Variants in CEP350 observed in about 807,000 individuals in gnomAD.
The protein encoded by CEP350 is centrosome-associated protein 350.
In CEP350, 126 loss-of-function variants were observed where a neutral mutation model predicts 331.8. The ratio of observed to expected loss-of-function variants is 0.38; its 90% CI spans 0.33 to 0.44. The LOEUF is 0.44. Among genes scored for constraint, CEP350 ranks in the 20% least tolerant of loss-of-function variants. The pLI is 1.00. For missense variants in CEP350, 3,406 were observed against 3,634.6 expected (o/e 0.94, Z 1.62); for synonymous variants, 1,200 against 1,259.5 (o/e 0.95, Z 1.00).
At chr1:180,007,160 T>C (rs1314400805) in intron 8 of CEP350, among the ~76,000 whole-genome samples, 1 of 152,206 alleles carries the variant, frequency 6.6e-6, no homozygotes, top group Non-Finnish European at 1.5e-5. Flanking sequence ...GTATTTCTGG[T>C]TCTAGATTCT....
At chr1:180,043,965 T>C in intron 20 of CEP350, 86 bp from the exon 21 acceptor site, 1 of 1,133,624 alleles carries the variant, frequency 8.8e-7, no homozygotes, top group South Asian at 1.9e-5. Flanking sequence ...TTCAAGATTT[T>C]ATCTCATATT....
chr1:180,042,436 A>T (rs1433779161), intron 19 of CEP350, among the ~76,000 whole-genome samples: 2 of 152,242 alleles, frequency 1.3e-5, no homozygotes, highest in African/African-American at 4.8e-5. Flanking sequence ...TTTTAAACCA[A>T]AAGTTAGTAC....
intron 22 of CEP350, among the ~76,000 whole-genome samples, chr1:180,049,703 C>A (rs560834173): frequency 6.6e-6 from 1 of 152,164 alleles, no homozygotes; most frequent in South Asian, 2.1e-4. Flanking sequence ...ACCACAACAC[C>A]TGGCTAATTT....
intron 4 of CEP350, among the ~76,000 whole-genome samples, chr1:179,991,514 T>C (rs1653063711): frequency 6.6e-6 from 1 of 151,612 alleles, no homozygotes; most frequent in Non-Finnish European, 1.5e-5. Flanking sequence ...GGTCTCAAAC[T>C]CCTGACCTCG....
rs61826328 is a variant in CEP350, at chr1:179,987,237, C to T, written c.74-3C>T. ...ATAAAGTAAATATCATTTTTTTTCC[C>T]AGCAGATATAACCACATCGTGGGAT... On this transcript the variant is annotated splice_polypyrimidine_tract_variant and splice_region_variant and intron_variant, in intron 2 of 37. Transcript: ENST00000367607. 1 of 1,507,298 alleles carries T rather than the reference C, an allele frequency of 6.6e-7. No individual in the cohort carries two copies. Among genetic ancestry groups the T allele is most frequent in the African/African-American group, 1.4e-5 (1 of 72,346 alleles). 93.4% of individuals were successfully genotyped at this position (1,507,298 alleles called of 1,614,324 possible). A position where few individuals can be genotyped will look rare whatever the true frequency, so the allele number is the denominator to read the frequency against.
intron 3 of CEP350, among the ~76,000 whole-genome samples, chr1:179,989,347 G>T: frequency 6.6e-6 from 1 of 151,862 alleles, no homozygotes. Flanking sequence ...GCTGGGCATG[G>T]TGGTGTACAT....
chr1:179,961,387 G>A (rs1650603237), intron 1 of CEP350, among the ~76,000 whole-genome samples: 1 of 152,134 alleles, frequency 6.6e-6, no homozygotes, highest in Non-Finnish European at 1.5e-5. Flanking sequence ...GGTGTAGGTT[G>A]CAGTGAGCCG....
At chr1:180,077,052 TA>T (rs1659264878) in intron 28 of CEP350, among the ~76,000 whole-genome samples, 1 of 152,034 alleles carries the variant, frequency 6.6e-6, no homozygotes, top group African/African-American at 2.4e-5. Flanking sequence ...GAAAAAGAAT[TA>T]AAAGCTATAA....
intron 1 of CEP350, among the ~76,000 whole-genome samples, chr1:179,971,161 T>A (rs887724808): frequency 1.3e-5 from 2 of 152,002 alleles, no homozygotes; most frequent in African/African-American, 4.8e-5. Flanking sequence ...CCCAAGTAGC[T>A]GGGACTACAG....
At chr1:179,983,625 A>C (rs1652443025) in intron 1 of CEP350, among the ~76,000 whole-genome samples, 1 of 152,228 alleles carries the variant, frequency 6.6e-6, no homozygotes. Context: ...AACTTCCTTA[A>C]AAATTAACCA....
At chr1:179,992,284 T>C in intron 5 of CEP350, 63 bp downstream of exon 5, 1 of 1,333,398 alleles carries the variant, frequency 7.5e-7, no homozygotes, top group Non-Finnish European at 9.7e-7. Flanking sequence ...ACAGTAAGAG[T>C]ATACGTTGTT....
intron 1 of CEP350, among the ~76,000 whole-genome samples, chr1:179,955,907 C>T (rs1454111609): frequency 1.3e-5 from 2 of 151,990 alleles, no homozygotes; most frequent in Non-Finnish European, 2.9e-5. Context: ...GATGGTGATC[C>T]TTGTTTTGAA....
chr1:180,043,279 T>C (rs1212154447), intron 20 of CEP350, 87 bp downstream of exon 20: 2 of 1,417,278 alleles, frequency 1.4e-6, no homozygotes, highest in African/African-American at 2.9e-5. Context: ...TATTTGTTGT[T>C]ATAGGCATTA....
At chr1:180,005,881 T>C (rs187607709) in intron 7 of CEP350, among the ~76,000 whole-genome samples, 134 of 152,330 alleles carry the variant, frequency 8.8e-4, no homozygotes, top group Admixed American at 4.2e-3. Context: ...CTACACATAT[T>C]TTAAAGTACA....
rs556448480 is a variant in CEP350 at position 180,099,194 on chromosome 1, AT to A, written c.9189+213del. 6.6e-4 allele frequency among the ~76,000 whole-genome samples: 100 copies of A among 152,308 alleles called. 1 individual carries two copies. The highest frequency in any genetic ancestry group is 2.4e-3 in the African/African-American group (99 of 41,554). On this transcript the variant is annotated intron_variant, in intron 37 of 37. Transcript: ENST00000367607. The stretch of plus-strand genomic sequence containing the variant: ...ATGAACATTTAACTTGATCAATAGT[AT>A]TTTATGTAGAACTTGAGAAATTTAC...
rs753375021 is a variant in CEP350, at chr1:180,053,176, A to T, written c.4989+10A>T. Reference sequence around the variant, plus strand: ...ACTGTCTACTGCCAAGGTGTGTTTCACTTTATCTGTGGAGGTAAATGGTTG... The same window carrying T: ...ACTGTCTACTGCCAAGGTGTGTTTCTCTTTATCTGTGGAGGTAAATGGTTG... On this transcript the variant is annotated intron_variant, in intron 23 of 37. Coordinates refer to ENST00000367607, the MANE Select transcript of CEP350 (RefSeq NM_014810.5). 2 of 1,506,560 alleles carry T rather than the reference A, an allele frequency of 1.3e-6. No homozygotes were observed. Among genetic ancestry groups the T allele is most frequent in the Non-Finnish European group, 1.8e-6 (2 of 1,119,222 alleles). The allele number at this position is 1,506,560 out of a possible 1,614,324, so 93.3% of individuals were successfully genotyped here.
rs1650069025 is a variant in CEP350, at chr1:179,955,150, C to G, written c.-14+8C>G. ...CGGAGGCGACACTCTCAGGTGAGCT[C>G]CTGTAGGACCTGGCTGGGACCGCGG... is the stretch of plus-strand genomic sequence containing the variant. On this transcript the variant is annotated splice_region_variant and intron_variant, in intron 1 of 37. Coordinates refer to ENST00000367607, the MANE Select transcript of CEP350 (RefSeq NM_014810.5). The G allele has an allele frequency of 6.9e-7, 1 of 1,442,104 alleles. No individual in the cohort carries two copies. Among genetic ancestry groups the G allele is most frequent in the African/African-American group, 1.5e-5 (1 of 67,978 alleles). The allele number at this position is 1,442,104 out of a possible 1,614,324, so 89.3% of individuals were successfully genotyped here.
intron 6 of CEP350, among the ~76,000 whole-genome samples, chr1:179,999,017 A>G (rs778260973): frequency 5.3e-5 from 8 of 152,110 alleles, no homozygotes; most frequent in Non-Finnish European, 1.0e-4. Context: ...TCACATCCAT[A>G]CTATTGGCAC....
intron 11 of CEP350, among the ~76,000 whole-genome samples, chr1:180,017,432 A>G (rs1207330192): frequency 1.3e-5 from 2 of 152,168 alleles, no homozygotes; most frequent in Admixed American, 6.5e-5. Flanking sequence ...GATACTCTCT[A>G]GTTCATCTCA....
Sources: allele counts gnomAD v4.1 joint callset (sites outside exome capture counted in the v4.1 genomes callset), GRCh38; gene constraint gnomAD v4.1.1; transcripts MANE v1.5; gene names NCBI Gene and HGNC (gene_info 2026-07-23, HGNC 2026-07-21).